The following RGS12 variants were observed in gnomAD, a reference collection of about 807,000 sequenced individuals.
RGS12 encodes regulator of G-protein signaling 12.
RGS12 carries 66 observed loss-of-function variants against 120.1 expected under a neutral mutation model. That is an observed-to-expected ratio of 0.55 (90% CI 0.45 to 0.67). RGS12 has a LOEUF of 0.67. Ranked by LOEUF, RGS12 falls within the 30% of genes least tolerant of loss-of-function variation. The pLI is 0.00. For synonymous variants in RGS12, 827 were observed against 804.7 expected (o/e 1.03, Z -0.47); for missense variants, 1,859 against 1,957.7 (o/e 0.95, Z 0.95).
chr4:3,436,821 A>AC (rs771971013), intron 17 of RGS12, among the ~76,000 whole-genome samples: 18 of 151,540 alleles, frequency 1.2e-4, no homozygotes, highest in Non-Finnish European at 2.5e-4. Flanking sequence ...CTCCAGCAGG[A>AC]CCCCCTCCTG....
intron 3 of RGS12, among the ~76,000 whole-genome samples, chr4:3,356,050 ATTTTTTT>A (rs35966486): frequency 1.6e-5 from 2 of 123,442 alleles, no homozygotes; most frequent in African/African-American, 3.2e-5. Context: ...ATCTTTTTCA[ATTTTTTT>A]TTTTTTTTTT....
intron 2 of RGS12, among the ~76,000 whole-genome samples, chr4:3,318,324 C>T (rs1268853354): frequency 1.3e-5 from 2 of 152,128 alleles, no homozygotes; most frequent in Non-Finnish European, 2.9e-5. Context: ...CTGGTGGTGG[C>T]GAGAGGGAAG....
At chr4:3,351,782 G>A (rs537026651) in intron 3 of RGS12, among the ~76,000 whole-genome samples, 1 of 152,062 alleles carries the variant, frequency 6.6e-6, no homozygotes, top group African/African-American at 2.4e-5. Flanking sequence ...GCTGGCCAGA[G>A]TCCTAGAAGA....
At chr4:3,408,996 G>A (rs1016061184) in intron 4 of RGS12, among the ~76,000 whole-genome samples, 14 of 152,202 alleles carry the variant, frequency 9.2e-5, no homozygotes, top group East Asian at 1.9e-4. Flanking sequence ...CCAGAGAAGA[G>A]CATGGACTGC....
intron 16 of RGS12, among the ~76,000 whole-genome samples, chr4:3,429,804 A>C (rs1265034424): frequency 6.6e-6 from 1 of 152,168 alleles, no homozygotes; most frequent in Admixed American, 6.5e-5. Flanking sequence ...GAGGGAGAGC[A>C]CGTGTTGCCC....
chr4:3,316,009 C>A, intron 1 of RGS12, 61 bp from the exon 2 acceptor site: 1 of 621,894 alleles, frequency 1.6e-6, no homozygotes, highest in Non-Finnish European at 2.7e-6. Flanking sequence ...TTAGCTAATA[C>A]CAGTGAGTGG....
At position 3,431,608 on chromosome 4, in the gene RGS12, A is replaced by G. The variant is rs968281498; in HGVS notation, c.4114+653A>G. ...TGAACAGGATGGCCTGGCAGCAGGG[A>G]TGTTTCCGTGAGCCACAAATACCAG... is the stretch of plus-strand genomic sequence containing the variant. On this transcript the variant is annotated intron_variant, in intron 17 of 17. Coordinates refer to ENST00000336727, the MANE Select transcript of RGS12 (RefSeq NM_001394154.1). 17 of 985,420 alleles carry G rather than the reference A, an allele frequency of 1.7e-5. No homozygotes were observed. The African/African-American group carries it at 2.8e-4, about 16-fold the overall frequency. 61.0% of individuals were successfully genotyped at this position (985,420 alleles called of 1,614,324 possible).
intron 1 of RGS12, among the ~76,000 whole-genome samples, chr4:3,307,815 C>T (rs958881884): frequency 6.6e-6 from 1 of 152,202 alleles, no homozygotes; most frequent in Non-Finnish European, 1.5e-5. Flanking sequence ...GCGGGAGACG[C>T]GAAATTCTAC....
intron 2 of RGS12, among the ~76,000 whole-genome samples, chr4:3,326,789 A>C (rs1460622369): frequency 6.6e-6 from 1 of 152,234 alleles, no homozygotes; most frequent in Admixed American, 6.5e-5. Flanking sequence ...AAAACTACAA[A>C]ATACTGATGA....
intron 2 of RGS12, chr4:3,342,437 G>A (rs371366973): frequency 7.8e-7 from 1 of 1,276,984 alleles, no homozygotes; most frequent in Non-Finnish European, 1.0e-6. Context: ...CGCCGGAGTT[G>A]GTTGGGTCTT....
chr4:3,401,898 G>A (rs1366959980), intron 4 of RGS12, among the ~76,000 whole-genome samples: 1 of 152,234 alleles, frequency 6.6e-6, no homozygotes, highest in East Asian at 1.9e-4. Context: ...CCTTAGCCTC[G>A]TCTCTTGCTG....
At chr4:3,306,435 T>C (rs181643607) in intron 1 of RGS12, among the ~76,000 whole-genome samples, 3 of 152,316 alleles carry the variant, frequency 2.0e-5, no homozygotes, top group Admixed American at 2.0e-4. Context: ...CAAAGGCTGA[T>C]TTGGGAAGTC....
chr4:3,409,691 G>A (rs1308690933), intron 4 of RGS12, among the ~76,000 whole-genome samples: 1 of 152,214 alleles, frequency 6.6e-6, no homozygotes, highest in African/African-American at 2.4e-5. Flanking sequence ...GGAGGCAGAC[G>A]GTTCACGTCA....
intron 3 of RGS12, among the ~76,000 whole-genome samples, chr4:3,383,911 T>C (rs1166369026): frequency 6.6e-6 from 1 of 152,250 alleles, no homozygotes; most frequent in Non-Finnish European, 1.5e-5. Flanking sequence ...TTCTCAAGTT[T>C]CAGCTAATTT....
chr4:3,336,327 C>G (rs954276613), intron 2 of RGS12, among the ~76,000 whole-genome samples: 2 of 152,222 alleles, frequency 1.3e-5, no homozygotes, highest in Non-Finnish European at 2.9e-5. Flanking sequence ...CAATACCAAG[C>G]TACCCCTTCT....
chr4:3,394,599 G>A (rs1346458257), intron 4 of RGS12, among the ~76,000 whole-genome samples: 2 of 152,164 alleles, frequency 1.3e-5, no homozygotes, highest in African/African-American at 2.4e-5. Flanking sequence ...CTCACATTTC[G>A]TGACACTATT....
the RGS12 span, among the ~76,000 whole-genome samples, chr4:3,287,995 C>G: frequency 1.3e-5 from 2 of 152,226 alleles, no homozygotes; most frequent in Non-Finnish European, 2.9e-5. Context: ...GCCCTGCTTC[C>G]CAGCGTCAGC....
chr4:3,396,914 GTT>G (rs533448613), intron 4 of RGS12, among the ~76,000 whole-genome samples: 5 of 146,034 alleles, frequency 3.4e-5, no homozygotes, highest in African/African-American at 5.0e-5. Context: ...GACAATTGGG[GTT>G]TTTTTTTTTT....
chr4:3,404,362 G>T (rs907057484), intron 4 of RGS12, among the ~76,000 whole-genome samples: 1 of 152,216 alleles, frequency 6.6e-6, no homozygotes, highest in Admixed American at 6.5e-5. Flanking sequence ...AGGTATTCAC[G>T]AGGCCTGGCT....
Sources: allele counts gnomAD v4.1 joint callset (sites outside exome capture counted in the v4.1 genomes callset), GRCh38; gene constraint gnomAD v4.1.1; transcripts MANE v1.5; gene names NCBI Gene and HGNC (gene_info 2026-07-23, HGNC 2026-07-21).